HSPG2: variants seen among roughly 807,000 people sequenced by gnomAD.
HSPG2 encodes basement membrane-specific heparan sulfate proteoglycan core protein.
Under a neutral mutation model 526.6 loss-of-function variants are expected in HSPG2, and 278 were observed. That is an observed-to-expected ratio of 0.53 (90% CI 0.48 to 0.58). HSPG2 has a LOEUF of 0.58. Among genes scored for constraint, HSPG2 ranks in the 20% least tolerant of loss-of-function variants. The pLI, the probability that HSPG2 is intolerant of heterozygous loss-of-function variation, is 0.00. For missense variants in HSPG2, 5,354 were observed against 6,099.5 expected (o/e 0.88, Z 4.07); for synonymous variants, 2,465 against 2,555.4 (o/e 0.96, Z 1.07).
rs915972876 is a variant in HSPG2, at chr1:21,887,006, G to A, written c.1078+209C>T. On this transcript the variant is annotated intron_variant, in intron 9 of 96. Coordinates refer to ENST00000374695, the MANE Select transcript of HSPG2 (RefSeq NM_005529.7). This position sits in a 1 kb window ranked among gnomAD's most constrained non-coding sequence, Gnocchi z 5.0. The stretch of plus-strand genomic sequence containing the variant: ...CCAAAGGCCAGCTCAGGGCCAAGGG[G>A]CCTTACGGCTCTGGTTAGAGATAAA... Among the ~76,000 whole-genome samples, 1 of 152,188 alleles carries A rather than the reference G, an allele frequency of 6.6e-6. No homozygotes were observed. The highest frequency in any genetic ancestry group is 1.5e-5 in the Non-Finnish European group (1 of 68,040).
chr1:21,863,100 T>C (rs868701124), intron 37 of HSPG2, among the ~76,000 whole-genome samples: 174 of 94,842 alleles, frequency 1.8e-3, no homozygotes, highest in African/African-American at 6.1e-3. Flanking sequence ...AGGCTGGGTG[T>C]GGTGGCTCAC....
chr1:21,928,089 T>C (rs1368145998), intron 1 of HSPG2, among the ~76,000 whole-genome samples: 1 of 152,184 alleles, frequency 6.6e-6, no homozygotes, highest in African/African-American at 2.4e-5. Flanking sequence ...GGCCTCCCCA[T>C]TTCACATTTG....
intron 1 of HSPG2, among the ~76,000 whole-genome samples, chr1:21,933,504 CCA>C (rs1210950664): frequency 6.6e-6 from 1 of 152,220 alleles, no homozygotes; most frequent in Non-Finnish European, 1.5e-5. Context: ...TCCTTCCCCT[CCA>C]CTTTGCTCAC....
rs192886654 is a variant in HSPG2 at position 21,889,480 on chromosome 1, C to T, written c.574+501G>A. ...GTTCTGGCAAGACTGTCACAGACAC[C>T]GAGTTTGTTTGAAATCCTCGCCTTT... is the stretch of plus-strand genomic sequence containing the variant. On this transcript the variant is annotated intron_variant, in intron 6 of 96. Coordinates refer to ENST00000374695, the MANE Select transcript of HSPG2 (RefSeq NM_005529.7). 5.7e-3 allele frequency among the ~76,000 whole-genome samples: 867 copies of T among 152,256 alleles called. 11 individuals carry two copies. Among genetic ancestry groups the T allele is most frequent in the African/African-American group, 0.02 (831 of 41,552 alleles).
intron 3 of HSPG2, among the ~76,000 whole-genome samples, chr1:21,891,827 T>G (rs1368236748): frequency 1.3e-5 from 2 of 152,102 alleles, no homozygotes; most frequent in African/African-American, 4.8e-5. Flanking sequence ...CCCAGGCTGG[T>G]CTCAAACTCC....
At chr1:21,878,274 T>C in intron 20 of HSPG2, 21 bp from the exon 21 acceptor site, 2 of 1,613,328 alleles carry the variant, frequency 1.2e-6, no homozygotes, top group Non-Finnish European at 1.7e-6. Flanking sequence ...AAACGAGTGT[T>C]GGCAGGGCAG....
intron 1 of HSPG2, among the ~76,000 whole-genome samples, chr1:21,916,369 G>A (rs1643889073): frequency 6.6e-6 from 1 of 152,140 alleles, no homozygotes; most frequent in African/African-American, 2.4e-5. Context: ...GTCAGGCGTG[G>A]TGGCGTGCAC....
chr1:21,861,538 TAC>T (rs1330813474), intron 39 of HSPG2, among the ~76,000 whole-genome samples: 8 of 150,954 alleles, frequency 5.3e-5, no homozygotes, highest in Non-Finnish European at 1.2e-4. Context: ...CCAGCTAAAG[TAC>T]AGAGTTGGGT....
rs370645398 is a variant in HSPG2 at position 21,878,436 on chromosome 1, C to A, written c.2614G>T (p.Val872Phe). 48 of 1,603,544 alleles carry A rather than the reference C, an allele frequency of 3.0e-5. No homozygotes were observed. Among genetic ancestry groups the A allele is most frequent in the Non-Finnish European group, 3.4e-5 (40 of 1,173,784 alleles). Residue 872 changes from valine to phenylalanine, a missense_variant, in exon 20 of 97, where the codon GTC becomes TTC. Transcript: ENST00000374695. Reference protein sequence around the residue: ...PIQPGGKCRPVNQEIVRCDER... With the variant: ...PIQPGGKCRPFNQEIVRCDER... ...GGATGGTGGCAGCCATACTCACTGACGGGCCTGCACTTCCCGCCGGGCTGG... is the reference window on the plus strand; with the variant it reads ...GGATGGTGGCAGCCATACTCACTGAAGGGCCTGCACTTCCCGCCGGGCTGG...
At chr1:21,827,564 T>C (rs868251402) in intron 91 of HSPG2, among the ~76,000 whole-genome samples, 1 of 152,236 alleles carries the variant, frequency 6.6e-6, no homozygotes, top group African/African-American at 2.4e-5. Context: ...TCTTGCTTTA[T>C]GCATCTTATA....
Position 21,849,038 on chromosome 1 carries a change from G to C in HSPG2, c.7447-7C>G. ...GTAGCCTCGAGCCATGCACCTGGGA[G>C]GGTCAGGAGGGAGGAGGCAGGCTCA... On this transcript the variant is annotated splice_region_variant and splice_polypyrimidine_tract_variant and intron_variant, in intron 57 of 96. Transcript: ENST00000374695. 1.9e-6 allele frequency: 3 copies of C among 1,613,256 alleles called. No individual in the cohort carries two copies. The highest frequency in any genetic ancestry group is 2.5e-6 in the Non-Finnish European group (3 of 1,179,638).
At chr1:21,866,003 C>G (rs960182213) in intron 33 of HSPG2, among the ~76,000 whole-genome samples, 194 bp from the exon 34 acceptor site, 5 of 151,692 alleles carry the variant, frequency 3.3e-5, no homozygotes, top group Admixed American at 3.3e-4. Context: ...CCTCTGTAGC[C>G]CCAGACATGG....
intron 33 of HSPG2, among the ~76,000 whole-genome samples, chr1:21,871,258 G>GTT (rs5772965): frequency 0.083 from 9,491 of 114,574 alleles, 710 homozygotes; most frequent in Admixed American, 0.14. Flanking sequence ...CAGAGTATTT[G>GTT]TTTTTTTTTT....
At position 21,875,902 on chromosome 1, in the gene HSPG2, G is replaced by T; in HGVS notation, c.3144C>A (p.Ser1048Arg). ...ILEHHVAQEP[S>R]PGQPSTFIVP... ...CAATGAAGGTGCTGGGCTGGCCGGGGCTGGGCTCCTGGGCCACATGGTGCT... is the reference window on the plus strand; with the variant it reads ...CAATGAAGGTGCTGGGCTGGCCGGGTCTGGGCTCCTGGGCCACATGGTGCT... The change falls in exon 24 of 97, where the codon AGC becomes AGA. Residue 1048 changes from serine to arginine, a missense_variant. By Grantham distance (110) the Ser-to-Arg change is moderately radical. Coordinates refer to ENST00000374695, the MANE Select transcript of HSPG2 (RefSeq NM_005529.7). The T allele has an allele frequency of 1.2e-6, 2 of 1,614,170 alleles. No homozygotes were observed. Among genetic ancestry groups the T allele is most frequent in the Non-Finnish European group, 1.7e-6 (2 of 1,180,038 alleles).
intron 9 of HSPG2, among the ~76,000 whole-genome samples, chr1:21,885,818 G>A (rs143016062): frequency 0.016 from 2,389 of 152,340 alleles, 40 homozygotes; most frequent in Admixed American, 0.056. Flanking sequence ...ATCTCTGGGC[G>A]CCAGCAATGC....
intron 3 of HSPG2, among the ~76,000 whole-genome samples, chr1:21,892,627 C>A (rs1225349007): frequency 2.0e-5 from 3 of 152,332 alleles, no homozygotes; most frequent in South Asian, 4.1e-4. Context: ...GTAATCCCAG[C>A]ACTTTGGGAG....
At chr1:21,826,887 C>G (rs901817573) in intron 91 of HSPG2, among the ~76,000 whole-genome samples, 2 of 152,168 alleles carry the variant, frequency 1.3e-5, no homozygotes, top group Admixed American at 1.3e-4. Flanking sequence ...TTAAAATGCA[C>G]TAAGTGGCCG....
chr1:21,880,017 G>A, intron 17 of HSPG2, 90 bp downstream of exon 17: 1 of 1,453,802 alleles, frequency 6.9e-7, no homozygotes, highest in East Asian at 2.3e-5. Context: ...AGTCATTCTG[G>A]AGGCTTGTGC....
Position 21,864,835 on chromosome 1 carries a change from ACACT to A in HSPG2, c.4626+4_4626+7del, listed in dbSNP as rs1174708659. 1 of 1,605,448 alleles carries A rather than the reference ACACT, an allele frequency of 6.2e-7. No individual in the cohort carries two copies. Among genetic ancestry groups the A allele is most frequent in the Non-Finnish European group, 8.5e-7 (1 of 1,176,226 alleles). Reference sequence around the variant, plus strand: ...GTGCAGAGGTGGTGGAGCTGGCCACACACTCACCTGGCAGGACAGACCGATGTAG... The same window carrying A: ...GTGCAGAGGTGGTGGAGCTGGCCACACACCTGGCAGGACAGACCGATGTAG... On this transcript the variant is annotated splice_donor_5th_base_variant and intron_variant, in intron 36 of 96. Coordinates refer to ENST00000374695, the MANE Select transcript of HSPG2 (RefSeq NM_005529.7). The surrounding 1 kb of genome is among the most constrained non-coding windows in gnomAD (Gnocchi z 4.8).
Sources: allele counts gnomAD v4.1 joint callset (sites outside exome capture counted in the v4.1 genomes callset), GRCh38; gene constraint gnomAD v4.1.1; non-coding constraint Gnocchi (gnomAD v3.1); transcripts MANE v1.5; gene names NCBI Gene and HGNC (gene_info 2026-07-23, HGNC 2026-07-21).